The following MRPL48 variants were observed in gnomAD, a reference collection of about 807,000 sequenced individuals.
MRPL48 encodes large ribosomal subunit protein mL48.
In MRPL48, 16 loss-of-function variants were observed where a neutral mutation model predicts 32.9. The ratio of observed to expected loss-of-function variants is 0.49; its 90% CI spans 0.33 to 0.74. The LOEUF is 0.74. MRPL48 is among the 30% of genes least tolerant of loss of function. The pLI, the probability that MRPL48 is intolerant of heterozygous loss-of-function variation, is 0.02. For missense variants in MRPL48, 206 were observed against 245.3 expected, an observed-to-expected ratio of 0.84 and a Z score of 1.07; for synonymous variants, 94 against 89.2, an observed-to-expected ratio of 1.05 and a Z score of -0.31.
chr11:73,841,600 T>TTC (rs1948187622), intron 4 of MRPL48, among the ~76,000 whole-genome samples: 1 of 152,210 alleles, frequency 6.6e-6, no homozygotes, highest in African/African-American at 2.4e-5. Flanking sequence ...ACTCTATGGT[T>TTC]TCATAAGTCA....
At chr11:73,854,974 A>G (rs1948461362) in intron 5 of MRPL48, among the ~76,000 whole-genome samples, 1 of 152,170 alleles carries the variant, frequency 6.6e-6, no homozygotes, top group Admixed American at 6.5e-5. Flanking sequence ...TGGTTTCCTC[A>G]ACTGTAAAAT....
At chr11:73,839,850 C>A (rs889802221) in intron 4 of MRPL48, among the ~76,000 whole-genome samples, 1 of 152,110 alleles carries the variant, frequency 6.6e-6, no homozygotes, top group African/African-American at 2.4e-5. Flanking sequence ...ATAATCCCAG[C>A]ACTTCGGGAG....
intron 5 of MRPL48, chr11:73,850,866 CG>C: frequency 4.2e-6 from 1 of 236,848 alleles, no homozygotes; most frequent in Non-Finnish European, 8.4e-6. Context: ...TTGGTAGAGA[CG>C]GGGTTTCACC....
At chr11:73,858,116 A>G (rs763838469) in intron 5 of MRPL48, among the ~76,000 whole-genome samples, 8 of 152,238 alleles carry the variant, frequency 5.3e-5, no homozygotes, top group South Asian at 2.1e-4. Context: ...CTGAAACACA[A>G]TTATTTCACT....
chr11:73,860,916 T>C (rs1203669100), intron 6 of MRPL48, among the ~76,000 whole-genome samples: 1 of 152,116 alleles, frequency 6.6e-6, no homozygotes, highest in African/African-American at 2.4e-5. Flanking sequence ...CTACTTTCTA[T>C]CTCTATGGAT....
At chr11:73,857,432 G>A (rs1377543707) in intron 5 of MRPL48, among the ~76,000 whole-genome samples, 2 of 150,122 alleles carry the variant, frequency 1.3e-5, no homozygotes, top group African/African-American at 2.5e-5. Context: ...GCGCCCGACC[G>A]ACTTTTTTCT....
chr11:73,831,273 G>T (rs1309160758), intron 4 of MRPL48, among the ~76,000 whole-genome samples: 1 of 152,122 alleles, frequency 6.6e-6, no homozygotes, highest in Non-Finnish European at 1.5e-5. Flanking sequence ...TTCTCAGGTG[G>T]CAGCATGGGG....
rs1199788914 is a variant in MRPL48, at chr11:73,825,739, C to T, written c.144C>T (p.Tyr48=). ...TTCTACTAAGTATCAGTCGGCCCTACAAGACAAAGCCCACCCACGGCATTG... is the reference window on the plus strand; with the variant it reads ...TTCTACTAAGTATCAGTCGGCCCTATAAGACAAAGCCCACCCACGGCATTG... ...GGILLSISRP[Y]KTKPTHGIGK... The change falls in exon 4 of 8, where the codon TAC becomes TAT. Residue 48 remains tyrosine, a synonymous_variant. Transcript: ENST00000310614. 6.4e-7 allele frequency: 1 copy of T among 1,568,946 alleles called. No individual in the cohort carries two copies.
At chr11:73,848,037 T>C (rs1948325956) in intron 5 of MRPL48, among the ~76,000 whole-genome samples, 1 of 152,238 alleles carries the variant, frequency 6.6e-6, no homozygotes, top group Non-Finnish European at 1.5e-5. Flanking sequence ...GCTTTTTCTT[T>C]TATATCTAAG....
In MRPL48 at chr11:73,825,692, A is replaced by G; in HGVS notation, c.113-16A>G. 1 of 1,548,104 alleles carries G rather than the reference A, an allele frequency of 6.5e-7. No homozygotes were observed. Among genetic ancestry groups the G allele is most frequent in the African/African-American group, 1.4e-5 (1 of 73,036 alleles). On this transcript the variant is annotated splice_polypyrimidine_tract_variant and intron_variant, in intron 3 of 7. Coordinates refer to ENST00000310614, the MANE Select transcript of MRPL48 (RefSeq NM_016055.6). Reference sequence around the variant, plus strand: ...AACAACAAAAAAACAGGTTTGTCTTATTTTCTCTCTTTTAGGTGGAATTCT... The same window carrying G: ...AACAACAAAAAAACAGGTTTGTCTTGTTTTCTCTCTTTTAGGTGGAATTCT...
intron 1 of MRPL48, among the ~76,000 whole-genome samples, chr11:73,792,865 C>T (rs2134926760): frequency 6.6e-6 from 1 of 152,250 alleles, no homozygotes; most frequent in South Asian, 2.1e-4. Flanking sequence ...TACTTGTTAG[C>T]CCTTTTCATG....
intron 1 of MRPL48, 145 bp downstream of exon 1, chr11:73,788,137 G>A (rs1947077846): frequency 2.4e-6 from 3 of 1,245,020 alleles, no homozygotes; most frequent in Non-Finnish European, 3.3e-6. Flanking sequence ...CTTCCCAGCA[G>A]CACATGCGGC....
intron 4 of MRPL48, among the ~76,000 whole-genome samples, chr11:73,836,387 C>T (rs1255371822): frequency 3.3e-5 from 5 of 152,136 alleles, no homozygotes; most frequent in South Asian, 2.1e-4. Flanking sequence ...TTAGTAGAGA[C>T]GGGTTTTCAC....
chr11:73,856,735 G>A lies in MRPL48; in HGVS notation c.372-3172G>A, dbSNP rs570540469. 9.2e-5 allele frequency among the ~76,000 whole-genome samples: 14 copies of A among 152,140 alleles called. No individual in the cohort carries two copies. The South Asian group carries it at 2.3e-3, about 25-fold the overall frequency. On this transcript the variant is annotated intron_variant, in intron 5 of 7. Coordinates refer to ENST00000310614, the MANE Select transcript of MRPL48 (RefSeq NM_016055.6). Reference sequence around the variant, plus strand: ...CCAGCACCCTAGCAGACTTCCTTTTGTCCCTTTCTTGGCAATACTTCCCCT... The same window carrying A: ...CCAGCACCCTAGCAGACTTCCTTTTATCCCTTTCTTGGCAATACTTCCCCT...
At chr11:73,850,440 T>TA (rs909435976) in intron 5 of MRPL48, 750 of 290,762 alleles carry the variant, frequency 2.6e-3, no homozygotes, top group Middle Eastern at 7.5e-3. Context: ...CCCAGTCCTT[T>TA]AAAAAAAAAA....
intron 3 of MRPL48, among the ~76,000 whole-genome samples, chr11:73,816,925 A>G (rs546801980): frequency 2.6e-5 from 4 of 151,594 alleles, no homozygotes; most frequent in East Asian, 1.9e-4. Context: ...TCCCAGGTTC[A>G]AGTGATTCTC....
At chr11:73,852,254 T>C (rs1948406325) in intron 5 of MRPL48, among the ~76,000 whole-genome samples, 1 of 152,144 alleles carries the variant, frequency 6.6e-6, no homozygotes, top group Non-Finnish European at 1.5e-5. Flanking sequence ...ACTGGCAGCT[T>C]GTCTATGGAC....
intron 5 of MRPL48, chr11:73,850,613 T>TC: frequency 6.0e-6 from 2 of 330,594 alleles, no homozygotes; most frequent in Non-Finnish European, 1.2e-5. Flanking sequence ...TAACATTAAG[T>TC]TGTCCAAATT....
chr11:73,849,402 G>T (rs1022255471), intron 5 of MRPL48, among the ~76,000 whole-genome samples: 2 of 152,196 alleles, frequency 1.3e-5, no homozygotes, highest in Non-Finnish European at 2.9e-5. Flanking sequence ...CTCCCAAAGT[G>T]CTGGGATTAC....
Sources: gnomAD v4.1 joint callset for allele counts (sites outside exome capture counted in the v4.1 genomes callset) on GRCh38, gnomAD v4.1.1 for gene constraint, MANE v1.5 for transcripts, NCBI Gene and HGNC (gene_info 2026-07-23, HGNC 2026-07-21) for gene names.